The following SOX5 variants were observed in gnomAD, a reference collection of about 807,000 sequenced individuals.
The protein encoded by SOX5 is transcription factor SOX-5.
Under a neutral mutation model 92.0 loss-of-function variants are expected in SOX5, and 9 were observed. That is an observed-to-expected ratio of 0.10 (90% CI 0.06 to 0.17). The LOEUF (loss-of-function observed/expected upper bound fraction) is 0.17, where lower values mean the gene tolerates loss of function less well. SOX5 is among the 10% of genes least tolerant of loss of function. The probability of loss-of-function intolerance (pLI) is 1.00; values close to 1 mark genes in which losing one functional copy is unlikely to be tolerated. For missense variants in SOX5, 642 were observed against 944.5 expected (o/e 0.68, Z 4.20); for synonymous variants, 344 against 336.3 (o/e 1.02, Z -0.25).
At chr12:23,965,491 A>C (rs1947451716) in intron 4 of SOX5, among the ~76,000 whole-genome samples, 1 of 152,082 alleles carries the variant, frequency 6.6e-6, no homozygotes, top group African/African-American at 2.4e-5. Flanking sequence ...TCCTGCACAA[A>C]TTGTGGACAG....
intron 1 of SOX5, among the ~76,000 whole-genome samples, chr12:24,512,105 A>G (rs964831177): frequency 2.0e-5 from 3 of 152,248 alleles, no homozygotes; most frequent in Non-Finnish European, 4.4e-5. Flanking sequence ...AACAGAAATA[A>G]TAAGAAAAAA....
intron 2 of SOX5, among the ~76,000 whole-genome samples, chr12:24,290,653 C>A (rs1946517248): frequency 6.6e-6 from 1 of 152,164 alleles, no homozygotes; most frequent in African/African-American, 2.4e-5. Flanking sequence ...CCTCTCCCAG[C>A]CACACTGGTG....
intron 3 of SOX5, among the ~76,000 whole-genome samples, chr12:23,832,364 T>C (rs1281760749): frequency 6.6e-6 from 1 of 152,056 alleles, no homozygotes; most frequent in Non-Finnish European, 1.5e-5. Flanking sequence ...GTTGAGTTCA[T>C]TATTGTTCTT....
chr12:23,725,967 T>G (rs1467548858), intron 6 of SOX5, among the ~76,000 whole-genome samples: 2 of 152,150 alleles, frequency 1.3e-5, no homozygotes, highest in Admixed American at 6.5e-5. Context: ...CTATCCCAGT[T>G]TTCCCTTTTG....
chr12:24,028,059 G>C (rs7485933), intron 4 of SOX5, among the ~76,000 whole-genome samples: 31,529 of 151,838 alleles, frequency 0.21, 3,459 homozygotes, highest in African/African-American at 0.24. Context: ...TTAGAAAATA[G>C]TATTCTATGA....
chr12:24,007,835 A>C (rs2136474785), intron 4 of SOX5, among the ~76,000 whole-genome samples: 1 of 148,036 alleles, frequency 6.8e-6, no homozygotes, highest in African/African-American at 2.5e-5. Context: ...ATATATATAT[A>C]TCTTAAATGA....
At chr12:24,218,316 T>C (rs1959529879) in intron 3 of SOX5, among the ~76,000 whole-genome samples, 1 of 152,134 alleles carries the variant, frequency 6.6e-6, no homozygotes, top group Non-Finnish European at 1.5e-5. Context: ...AGGAATACAA[T>C]ACATATTACA....
chr12:24,022,377 GAGC>G (rs1291002977), intron 4 of SOX5, among the ~76,000 whole-genome samples: 11 of 152,122 alleles, frequency 7.2e-5, no homozygotes, highest in Non-Finnish European at 1.3e-4. Flanking sequence ...GCAAGGCAGA[GAGC>G]AGCACAAGAT....
At chr12:24,547,105 G>A (rs1432727341) in intron 1 of SOX5, among the ~76,000 whole-genome samples, 3 of 151,974 alleles carry the variant, frequency 2.0e-5, no homozygotes, top group African/African-American at 7.3e-5. Flanking sequence ...AAAAATGTGT[G>A]GTTTTAGGAA....
chr12:24,250,462 C>A (rs1257878551), intron 3 of SOX5, among the ~76,000 whole-genome samples: 1 of 152,096 alleles, frequency 6.6e-6, no homozygotes, highest in East Asian at 1.9e-4. Flanking sequence ...TCCATTAATA[C>A]CAGCAGGAGG....
upstream of SOX5, among the ~76,000 whole-genome samples, chr12:23,951,783 G>C (rs751658447): frequency 3.9e-5 from 6 of 152,116 alleles, no homozygotes; most frequent in Non-Finnish European, 7.4e-5. Context: ...TGGCAAAAAT[G>C]ACTTGATGCT....
At chr12:24,220,982 T>G (rs1191467025) in intron 3 of SOX5, among the ~76,000 whole-genome samples, 1 of 152,204 alleles carries the variant, frequency 6.6e-6, no homozygotes, top group Non-Finnish European at 1.5e-5. Context: ...AACTACCCCA[T>G]GAAGTGCCCA....
intron 1 of SOX5, among the ~76,000 whole-genome samples, chr12:24,533,441 A>G (rs1383756310): frequency 6.6e-6 from 1 of 152,196 alleles, no homozygotes; most frequent in Non-Finnish European, 1.5e-5. Context: ...TGCTTTTCCT[A>G]ATCATCAAGT....
chr12:23,697,420 C>T (rs1796821588), intron 6 of SOX5, among the ~76,000 whole-genome samples: 1 of 152,124 alleles, frequency 6.6e-6, no homozygotes, highest in African/African-American at 2.4e-5. Flanking sequence ...TATCTTTTTG[C>T]ATTAACCTGT....
chr12:24,520,650 T>A (rs1190811619), intron 1 of SOX5, among the ~76,000 whole-genome samples: 1 of 152,098 alleles, frequency 6.6e-6, no homozygotes, highest in Non-Finnish European at 1.5e-5. Context: ...TTCTCAATAA[T>A]TACCTTAAAT....
intron 1 of SOX5, among the ~76,000 whole-genome samples, chr12:24,422,107 G>C (rs961387720): frequency 1.3e-5 from 2 of 152,180 alleles, no homozygotes; most frequent in African/African-American, 4.8e-5. Flanking sequence ...AAGTCTAGAC[G>C]AATGGGGGCA....
In SOX5 at chr12:23,531,406, G is replaced by A. The variant is rs1939059910; in HGVS notation, c.*2813C>T. 6.6e-6 allele frequency: 1 copy of A among 152,160 alleles called. No homozygotes were observed. The highest frequency in any genetic ancestry group is 6.5e-5 in the Admixed American group (1 of 15,270). 9.4% of individuals were successfully genotyped at this position (152,160 alleles called of 1,614,324 possible). A position where few individuals can be genotyped will look rare whatever the true frequency, so the allele number is the denominator to read the frequency against. Reference sequence around the variant, plus strand: ...GTGTTGTCAATTCATCGGTAAGTGTGTTAGAATTGATTTCAGCCATGAATG... The same window carrying A: ...GTGTTGTCAATTCATCGGTAAGTGTATTAGAATTGATTTCAGCCATGAATG... On this transcript the variant is annotated 3_prime_UTR_variant, in exon 15 of 15. Coordinates refer to ENST00000451604, the MANE Select transcript of SOX5 (RefSeq NM_006940.6).
intron 1 of SOX5, among the ~76,000 whole-genome samples, chr12:23,903,001 C>T (rs1395320575): frequency 6.6e-6 from 1 of 152,086 alleles, no homozygotes; most frequent in Non-Finnish European, 1.5e-5. Context: ...GATATGACGA[C>T]CCTTCTGCTT....
chr12:24,012,133 A>AT (rs1344804549), intron 4 of SOX5, among the ~76,000 whole-genome samples: 1 of 151,796 alleles, frequency 6.6e-6, no homozygotes, highest in African/African-American at 2.4e-5. Context: ...TCAGCAGAAA[A>AT]AAAACAGAAA....
Sources: allele counts gnomAD v4.1 joint callset (sites outside exome capture counted in the v4.1 genomes callset), GRCh38; gene constraint gnomAD v4.1.1; transcripts MANE v1.5; gene names NCBI Gene and HGNC (gene_info 2026-07-23, HGNC 2026-07-21).